CTNNA2: variants seen among roughly 807,000 people sequenced by gnomAD.
CTNNA2 encodes the protein catenin alpha-2.
Under a neutral mutation model 101.0 loss-of-function variants are expected in CTNNA2, and 42 were observed. That is an observed-to-expected ratio of 0.42 (90% CI 0.32 to 0.54). CTNNA2 has a LOEUF of 0.54. Among genes scored for constraint, CTNNA2 ranks in the 20% least tolerant of loss-of-function variants. The pLI, the probability that CTNNA2 is intolerant of heterozygous loss-of-function variation, is 0.14. For missense variants in CTNNA2, 871 were observed against 1,223.1 expected (o/e 0.71, Z 4.29); for synonymous variants, 450 against 456.4 (o/e 0.99, Z 0.18).
chr2:80,548,883 A>G (rs570641324), intron 11 of CTNNA2, among the ~76,000 whole-genome samples: 5 of 152,322 alleles, frequency 3.3e-5, no homozygotes, highest in African/African-American at 1.2e-4. Context: ...AGTGGCATTA[A>G]TGATATTTTA....
intron 7 of CTNNA2, among the ~76,000 whole-genome samples, chr2:80,327,953 T>G (rs1670973428): frequency 1.3e-5 from 2 of 152,246 alleles, no homozygotes; most frequent in Non-Finnish European, 2.9e-5. Context: ...ATTTTTTATG[T>G]TACTTTCTCT....
intron 17 of CTNNA2, 140 bp from the exon 18 acceptor site, chr2:80,618,945 G>A (rs1009315590): frequency 8.2e-6 from 4 of 486,046 alleles, no homozygotes; most frequent in Middle Eastern, 5.5e-4. Context: ...CTTTCAGCAC[G>A]TAATTCCTTC....
At chr2:79,855,933 T>G (rs542706991) in intron 3 of CTNNA2, among the ~76,000 whole-genome samples, 53 of 152,324 alleles carry the variant, frequency 3.5e-4, no homozygotes, top group South Asian at 4.1e-4. Flanking sequence ...TGGCTTTCTT[T>G]CTCCCACCAC....
intron 4 of CTNNA2, among the ~76,000 whole-genome samples, chr2:79,399,587 C>T (rs1678268825): frequency 6.6e-6 from 1 of 152,000 alleles, no homozygotes; most frequent in Non-Finnish European, 1.5e-5. Flanking sequence ...CCAGATAAGT[C>T]AATAAACGAA....
chr2:80,303,958 T>G lies in CTNNA2; in HGVS notation c.1057-89253T>G. 9.8e-7 allele frequency: 1 copy of G among 1,020,884 alleles called. No individual in the cohort carries two copies. The highest frequency in any genetic ancestry group is 3.6e-5 in the Admixed American group (1 of 28,164). 63.2% of individuals were successfully genotyped at this position (1,020,884 alleles called of 1,614,324 possible). A position where few individuals can be genotyped will look rare whatever the true frequency, so the allele number is the denominator to read the frequency against. On this transcript the variant is annotated intron_variant, in intron 7 of 18. Coordinates refer to ENST00000402739, the MANE Select transcript of CTNNA2 (RefSeq NM_001282597.3). The surrounding 1 kb of genome is among the most constrained non-coding windows in gnomAD (Gnocchi z 7.7). ...AAAAAATCAAATAAATACATAGAAA[T>G]AAAGAAGGACCCCCCTCCCCAAAAA...
intron 2 of CTNNA2, among the ~76,000 whole-genome samples, chr2:79,726,192 C>T (rs1435178780): frequency 1.3e-5 from 2 of 152,176 alleles, no homozygotes; most frequent in Non-Finnish European, 2.9e-5. Flanking sequence ...ATGTTCACAT[C>T]TACACAGCTT....
chr2:79,973,210 G>T (rs576478576), intron 7 of CTNNA2, among the ~76,000 whole-genome samples: 1 of 151,070 alleles, frequency 6.6e-6, no homozygotes, highest in Non-Finnish European at 1.5e-5. Context: ...CCTTTCTCTT[G>T]GTTATTTTTT....
At chr2:80,156,536 G>T (rs1704006056) in intron 7 of CTNNA2, among the ~76,000 whole-genome samples, 1 of 152,194 alleles carries the variant, frequency 6.6e-6, no homozygotes, top group Non-Finnish European at 1.5e-5. Context: ...CTAGGCTTAG[G>T]AGAAAGGAGA....
intron 7 of CTNNA2, among the ~76,000 whole-genome samples, chr2:80,052,140 A>G (rs1318518762): frequency 6.6e-6 from 1 of 152,244 alleles, no homozygotes; most frequent in African/African-American, 2.4e-5. Context: ...GACTTTAAAT[A>G]TGATCTGAAA....
intron 16 of CTNNA2, among the ~76,000 whole-genome samples, chr2:80,604,553 A>T (rs1009568910): frequency 6.6e-6 from 1 of 151,986 alleles, no homozygotes; most frequent in Non-Finnish European, 1.5e-5. Flanking sequence ...TCTTGGTTTA[A>T]ATATATTTTC....
In CTNNA2 at chr2:79,625,290, T is replaced by C. The variant is rs949594308; in HGVS notation, c.-5-26262T>C. The stretch of plus-strand genomic sequence containing the variant: ...TCAATTTTTGATGAATTAATGGTGA[T>C]ATGATAATTGCTATAATTGAGAACT... On this transcript the variant is annotated intron_variant, in intron 1 of 18. Transcript: ENST00000402739. 2.0e-5 allele frequency among the ~76,000 whole-genome samples: 3 copies of C among 152,166 alleles called. No individual in the cohort carries two copies. In the East Asian group the frequency reaches 5.8e-4, roughly 29 times the overall value.
At chr2:79,468,431 G>C (rs1246630161) in intron 4 of CTNNA2, among the ~76,000 whole-genome samples, 1 of 152,062 alleles carries the variant, frequency 6.6e-6, no homozygotes, top group African/African-American at 2.4e-5. Context: ...ATAATAATGG[G>C]AGACTTTAAC....
At chr2:79,598,600 A>G (rs1677350737) in intron 1 of CTNNA2, among the ~76,000 whole-genome samples, 2 of 152,194 alleles carry the variant, frequency 1.3e-5, no homozygotes. Flanking sequence ...TGTCATCTGT[A>G]TATCTAATTT....
intron 13 of CTNNA2, among the ~76,000 whole-genome samples, chr2:80,578,464 A>G (rs761396874): frequency 6.6e-6 from 1 of 152,144 alleles, no homozygotes; most frequent in Non-Finnish European, 1.5e-5. Flanking sequence ...CCTTTAATTC[A>G]TGGAGGTCTT....
At chr2:79,576,050 T>G (rs543099181) in intron 1 of CTNNA2, among the ~76,000 whole-genome samples, 1 of 152,348 alleles carries the variant, frequency 6.6e-6, no homozygotes, top group South Asian at 2.1e-4. Flanking sequence ...TCCCTGTAAT[T>G]ATTCATTTCC....
At chr2:79,927,226 G>A (rs1687080670) in intron 7 of CTNNA2, among the ~76,000 whole-genome samples, 3 of 152,112 alleles carry the variant, frequency 2.0e-5, no homozygotes, top group South Asian at 2.1e-4. Context: ...ATTATGGTAG[G>A]CAGTTATTAA....
At chr2:80,603,258 G>C (rs1310894374) in intron 15 of CTNNA2, among the ~76,000 whole-genome samples, 1 of 152,018 alleles carries the variant, frequency 6.6e-6, no homozygotes, top group Non-Finnish European at 1.5e-5. Context: ...TTTGTTTAAA[G>C]ATTTATGATG....
chr2:80,121,529 G>C (rs1345291612), intron 7 of CTNNA2, among the ~76,000 whole-genome samples: 1 of 152,078 alleles, frequency 6.6e-6, no homozygotes, highest in Non-Finnish European at 1.5e-5. Flanking sequence ...AAGTGCCTTA[G>C]AATCATTAAA....
intron 7 of CTNNA2, among the ~76,000 whole-genome samples, chr2:80,098,424 G>C (rs910296115): frequency 1.3e-5 from 2 of 152,194 alleles, no homozygotes; most frequent in Admixed American, 1.3e-4. Flanking sequence ...CCACGGGGGG[G>C]TTGCCTCCCA....
Sources: gnomAD v4.1 joint callset for allele counts (sites outside exome capture counted in the v4.1 genomes callset) on GRCh38, gnomAD v4.1.1 for gene constraint, Gnocchi (gnomAD v3.1) non-coding constraint, MANE v1.5 for transcripts, NCBI Gene and HGNC (gene_info 2026-07-23, HGNC 2026-07-21) for gene names.